JAK1: variants seen among roughly 807,000 people sequenced by gnomAD.
JAK1 encodes Janus kinase 1, also known as tyrosine-protein kinase JAK1.
In JAK1, 16 loss-of-function variants were observed where a neutral mutation model predicts 136.6. That is an observed-to-expected ratio of 0.12 (90% confidence interval 0.08 to 0.18). The LOEUF (loss-of-function observed/expected upper bound fraction) is 0.18, where lower values mean the gene tolerates loss of function less well. Ranked by LOEUF, JAK1 falls within the 10% of genes least tolerant of loss-of-function variation. The pLI is 1.00. For synonymous variants in JAK1, 492 were observed against 519.5 expected (o/e 0.95, Z 0.72); for missense variants, 859 against 1,450.1 (o/e 0.59, Z 6.62).
At chr1:65,042,659 A>T (rs1647145736) in intron 2 of JAK1, among the ~76,000 whole-genome samples, 1 of 152,308 alleles carries the variant, frequency 6.6e-6, no homozygotes, top group East Asian at 1.9e-4. Context: ...TACCTGTCAA[A>T]TCCAGAGTCC....
intron 2 of JAK1, among the ~76,000 whole-genome samples, chr1:65,014,307 A>T (rs896450931): frequency 3.3e-5 from 5 of 152,020 alleles, no homozygotes; most frequent in Non-Finnish European, 7.4e-5. Context: ...CATACTCAAG[A>T]GGCCAAACAA....
chr1:64,908,604 T>C (rs186814562), intron 1 of JAK1, among the ~76,000 whole-genome samples: 37 of 152,284 alleles, frequency 2.4e-4, no homozygotes, highest in African/African-American at 8.7e-4. Flanking sequence ...CTTCAGGTTT[T>C]TATTCCTTTT....
At position 64,955,025 on chromosome 1, in the gene JAK1, A is replaced by G. The variant is rs377034328; in HGVS notation, c.-78+11308T>C. Among the ~76,000 whole-genome samples the G allele has an allele frequency of 2.0e-4, 30 of 152,338 alleles. 5 individuals carry two copies. Among genetic ancestry groups the G allele is most frequent in the Admixed American group, 3.3e-4 (5 of 15,306 alleles). ...CCAAAATACTTGATGATCCTTTACA[A>G]AACTGTACCACCTATACAAGAATCA... is the stretch of plus-strand genomic sequence containing the variant. On this transcript the variant is annotated intron_variant, in intron 1 of 24. Transcript: ENST00000342505.
chr1:64,875,057 T>C (rs760974254), intron 4 of JAK1, among the ~76,000 whole-genome samples: 2 of 152,224 alleles, frequency 1.3e-5, no homozygotes, highest in Non-Finnish European at 2.9e-5. Context: ...TTCTCAACTA[T>C]GTTTTCTGAT....
At chr1:64,863,066 G>C (rs375124316) in intron 8 of JAK1, among the ~76,000 whole-genome samples, 3 of 149,908 alleles carry the variant, frequency 2.0e-5, no homozygotes, top group African/African-American at 4.9e-5. Flanking sequence ...CTAATACCCA[G>C]GATGCAGCAT....
chr1:64,962,671 G>A (rs981852400), intron 1 of JAK1, among the ~76,000 whole-genome samples: 1 of 152,212 alleles, frequency 6.6e-6, no homozygotes, highest in Non-Finnish European at 1.5e-5. Flanking sequence ...TCTGAGACAG[G>A]AAGCAACAGT....
intron 2 of JAK1, among the ~76,000 whole-genome samples, chr1:64,997,015 G>T (rs1646709852): frequency 6.6e-6 from 1 of 152,152 alleles, no homozygotes. Flanking sequence ...ATACACATGG[G>T]TTTGCAGGTC....
At chr1:64,995,388 C>G (rs559319257) in intron 2 of JAK1, among the ~76,000 whole-genome samples, 2 of 152,274 alleles carry the variant, frequency 1.3e-5, no homozygotes, top group African/African-American at 4.8e-5. Context: ...TCAGACGCCA[C>G]TGAATGCCCT....
chr1:64,900,729 T>A (rs543364168), intron 1 of JAK1, among the ~76,000 whole-genome samples: 3 of 152,368 alleles, frequency 2.0e-5, no homozygotes, highest in African/African-American at 7.2e-5. Flanking sequence ...ATTTCTAGAC[T>A]GCTAATCTGG....
chr1:64,852,996 G>A (rs940208361), intron 11 of JAK1, among the ~76,000 whole-genome samples: 8 of 152,286 alleles, frequency 5.3e-5, no homozygotes, highest in African/African-American at 1.7e-4. Context: ...GAGCCGTCAC[G>A]CCCACTCTGA....
At chr1:64,953,961 G>A (rs773170497) in intron 1 of JAK1, among the ~76,000 whole-genome samples, 1 of 152,134 alleles carries the variant, frequency 6.6e-6, no homozygotes, top group Non-Finnish European at 1.5e-5. Context: ...AGGCATGAGC[G>A]ACCGCACTCG....
At chr1:64,862,310 A>C (rs918952646) in intron 8 of JAK1, among the ~76,000 whole-genome samples, 1 of 152,106 alleles carries the variant, frequency 6.6e-6, no homozygotes, top group Non-Finnish European at 1.5e-5. Flanking sequence ...AAATGCTTTA[A>C]CCTAACAGCT....
chr1:64,947,253 T>TC (rs144253691), intron 1 of JAK1, among the ~76,000 whole-genome samples: 7,477 of 152,266 alleles, frequency 0.049, 399 homozygotes, highest in East Asian at 0.26. Context: ...AACTGCCAGT[T>TC]CAATATATTA....
chr1:64,911,036 A>G (rs1453101597), intron 1 of JAK1, among the ~76,000 whole-genome samples: 1 of 151,678 alleles, frequency 6.6e-6, no homozygotes, highest in Non-Finnish European at 1.5e-5. Context: ...GGGCAATTAG[A>G]ATGTTTAAAA....
At chr1:64,866,394 T>C (rs1310104128) in intron 7 of JAK1, among the ~76,000 whole-genome samples, 1 of 152,216 alleles carries the variant, frequency 6.6e-6, no homozygotes, top group African/African-American at 2.4e-5. Context: ...AATCAATTAG[T>C]CAATTTCACG....
intron 20 of JAK1, among the ~76,000 whole-genome samples, chr1:64,839,125 C>G (rs1356741933): frequency 6.9e-4 from 86 of 124,888 alleles, no homozygotes; most frequent in South Asian, 1.0e-3. Context: ...CAGCCTGGGC[C>G]ACAGAGCGAG....
intron 2 of JAK1, among the ~76,000 whole-genome samples, chr1:65,038,606 C>T (rs933320761): frequency 1.3e-5 from 2 of 152,088 alleles, no homozygotes; most frequent in Non-Finnish European, 2.9e-5. Flanking sequence ...TTTCACATAA[C>T]TTTTATGTCA....
intron 1 of JAK1, among the ~76,000 whole-genome samples, chr1:65,058,164 A>G (rs1481889798): frequency 6.6e-6 from 1 of 152,208 alleles, no homozygotes; most frequent in Non-Finnish European, 1.5e-5. Flanking sequence ...TTCCAGAAAT[A>G]CTAATTCATA....
intron 1 of JAK1, among the ~76,000 whole-genome samples, chr1:65,066,097 G>A (rs1648028786): frequency 6.6e-6 from 1 of 152,130 alleles, no homozygotes; most frequent in South Asian, 2.1e-4. Flanking sequence ...GGAGAGCAGG[G>A]GATTCCCTGG....
Sources: gnomAD v4.1 joint callset for allele counts (sites outside exome capture counted in the v4.1 genomes callset) on GRCh38, gnomAD v4.1.1 for gene constraint, MANE v1.5 for transcripts, NCBI Gene and HGNC (gene_info 2026-07-23, HGNC 2026-07-21) for gene names.